The following MYCBP2 variants were observed in gnomAD, a reference collection of about 807,000 sequenced individuals.
The protein encoded by MYCBP2 is E3 ubiquitin-protein ligase MYCBP2.
Under a neutral mutation model 525.3 loss-of-function variants are expected in MYCBP2, and 120 were observed. The observed-to-expected ratio is 0.23, with a 90% CI of 0.20 to 0.27. The LOEUF (loss-of-function observed/expected upper bound fraction) is 0.27, where lower values mean the gene tolerates loss of function less well. MYCBP2 is among the 10% of genes least tolerant of loss of function. MYCBP2 has a pLI of 1.00. For missense variants in MYCBP2, 4,149 were observed against 5,657.1 expected (o/e 0.73, Z 8.55); for synonymous variants, 1,894 against 1,955.8 (o/e 0.97, Z 0.83).
Position 77,150,814 on chromosome 13 carries a change from G to A in MYCBP2, c.7051C>T (p.Leu2351=). 1.2e-6 allele frequency: 2 copies of A among 1,614,130 alleles called. No homozygotes were observed. The highest frequency in any genetic ancestry group is 1.1e-5 in the South Asian group (1 of 91,086). The change falls in exon 47 of 83, where the codon CTG becomes TTG. Residue 2351 remains leucine (L), a synonymous_variant. Transcript: ENST00000544440. ...SSNTDMTYGG[L]ASPKLDVSYE... ...GAAACATCTAGCTTTGGTGATGCCA[G>A]CCCTCCATAAGTCATGTCAGTATTA... is the stretch of plus-strand genomic sequence containing the variant.
At chr13:77,200,107 A>G (rs1348119356) in intron 26 of MYCBP2, among the ~76,000 whole-genome samples, 2 of 152,114 alleles carry the variant, frequency 1.3e-5, no homozygotes, top group African/African-American at 4.8e-5. Context: ...CTACGGGAGG[A>G]CATTCAAACC....
chr13:77,260,219 A>G (rs181712302), intron 13 of MYCBP2, among the ~76,000 whole-genome samples: 28 of 152,348 alleles, frequency 1.8e-4, no homozygotes, highest in Non-Finnish European at 4.1e-4. Flanking sequence ...GCCAAGCTCT[A>G]TGATTAGCTT....
rs543342620 is a variant in MYCBP2, at chr13:77,166,443, T to C, written c.6226A>G (p.Asn2076Asp). 1 of 1,614,044 alleles carries C rather than the reference T, an allele frequency of 6.2e-7. No homozygotes were observed. The highest frequency in any genetic ancestry group is 2.2e-5 in the East Asian group (1 of 44,876). The change falls in exon 41 of 83, where the codon AAT becomes GAT. Residue 2076 changes from asparagine (N) to aspartate (D), a missense_variant. Physicochemically the swap from Asn to Asp is conservative, Grantham distance 23. Coordinates refer to ENST00000544440, the MANE Select transcript of MYCBP2 (RefSeq NM_015057.5). The stretch of plus-strand genomic sequence containing the variant: ...GTCAATTTTGGTCCATATCCTGAAT[T>C]CTGAACAGTTCTGACAGGAATCAAC... ...RLLIPVRTVQ[N>D]SGYGPKLTSV...
At chr13:77,107,832 A>G (rs2048086411) in intron 55 of MYCBP2, among the ~76,000 whole-genome samples, 1 of 152,208 alleles carries the variant, frequency 6.6e-6, no homozygotes, top group Non-Finnish European at 1.5e-5. Context: ...CTTGACTGAC[A>G]GCTTTAGATG....
chr13:77,193,803 C>T (rs1293520200), intron 27 of MYCBP2, among the ~76,000 whole-genome samples: 1 of 152,000 alleles, frequency 6.6e-6, no homozygotes, highest in Non-Finnish European at 1.5e-5. Context: ...TTATTTATTA[C>T]CTGTAATGCT....
intron 7 of MYCBP2, among the ~76,000 whole-genome samples, chr13:77,269,640 A>C (rs2074603036): frequency 6.6e-6 from 1 of 152,084 alleles, no homozygotes; most frequent in Admixed American, 6.5e-5. Context: ...AAAAAAAAAA[A>C]TGTGCTAATG....
intron 60 of MYCBP2, among the ~76,000 whole-genome samples, chr13:77,089,777 C>T (rs187605090): frequency 1.5e-3 from 232 of 151,516 alleles, no homozygotes; most frequent in African/African-American, 5.3e-3. Flanking sequence ...TGAATGTGTA[C>T]GTCATTGGAA....
At chr13:77,197,401 C>G (rs1376565073) in intron 26 of MYCBP2, among the ~76,000 whole-genome samples, 2 of 151,980 alleles carry the variant, frequency 1.3e-5, no homozygotes, top group African/African-American at 4.8e-5. Context: ...GCCTATGTAT[C>G]AAGCATATGG....
intron 18 of MYCBP2, among the ~76,000 whole-genome samples, chr13:77,231,946 T>G (rs530081045): frequency 6.6e-6 from 1 of 152,250 alleles, no homozygotes; most frequent in African/African-American, 2.4e-5. Context: ...TAAATATTTA[T>G]GGCATTGTTA....
chr13:77,314,382 A>G (rs2080666796), intron 1 of MYCBP2, among the ~76,000 whole-genome samples: 1 of 152,236 alleles, frequency 6.6e-6, no homozygotes, highest in African/African-American at 2.4e-5. Context: ...AAACTCACCA[A>G]ATTGTAGGTG....
At chr13:77,257,610 T>C (rs1006124334) in intron 14 of MYCBP2, 61 bp downstream of exon 14, 1 of 1,435,614 alleles carries the variant, frequency 7.0e-7, no homozygotes, top group Admixed American at 2.6e-5. Context: ...TTCACTATGT[T>C]GTTCTGAAAA....
Position 77,098,564 on chromosome 13 carries a change from G to T in MYCBP2, c.8590C>A (p.Pro2864Thr). ...STAPVKTKLD[P>T]PRERSKSDSY... ...TCTGATTTAGAACGTTCCCGAGGAG[G>T]ATCAAGCTTTGTCTTAACAGGAGCA... The change falls in exon 56 of 83, where the codon CCT (proline) becomes ACT (threonine). Residue 2864 changes from proline to threonine, a missense_variant. Around this residue, in one of 21 missense-constraint regions of MYCBP2, gnomAD observed 653 missense variants for 744.7 expected, o/e 0.88. Coordinates refer to ENST00000544440, the MANE Select transcript of MYCBP2 (RefSeq NM_015057.5). 1 of 1,613,762 alleles carries T rather than the reference G, an allele frequency of 6.2e-7. No individual in the cohort carries two copies. The highest frequency in any genetic ancestry group is 8.5e-7 in the Non-Finnish European group (1 of 1,179,814).
At chr13:77,084,725 T>C (rs78729180) in intron 62 of MYCBP2, among the ~76,000 whole-genome samples, 4,533 of 152,218 alleles carry the variant, frequency 0.03, 97 homozygotes, top group East Asian at 0.053. Context: ...TAAGAATCTG[T>C]TCAGTTCTCA....
chr13:77,076,651 T>C, intron 68 of MYCBP2, 100 bp downstream of exon 68: 1 of 667,674 alleles, frequency 1.5e-6, no homozygotes, highest in Non-Finnish European at 2.5e-6. Context: ...CATAAAACTG[T>C]TATTACATAT....
intron 18 of MYCBP2, among the ~76,000 whole-genome samples, chr13:77,232,248 A>T (rs1481041394): frequency 6.6e-6 from 1 of 152,192 alleles, no homozygotes; most frequent in Non-Finnish European, 1.5e-5. Context: ...CATTAATTAG[A>T]TTAATTTGTC....
At chr13:77,294,105 T>TATAC (rs1555465461) in intron 2 of MYCBP2, among the ~76,000 whole-genome samples, 4 of 7,938 alleles carry the variant, frequency 5.0e-4, no homozygotes, top group Middle Eastern at 0.038. Flanking sequence ...ATATAATGGC[T>TATAC]ATATATATAT....
chr13:77,319,350 A>G (rs1376041099), intron 1 of MYCBP2, among the ~76,000 whole-genome samples: 2 of 152,094 alleles, frequency 1.3e-5, no homozygotes, highest in Non-Finnish European at 2.9e-5. Flanking sequence ...AGGGTTTTCA[A>G]GTGCACTCAG....
chr13:77,103,899 C>A (rs1017563307), intron 55 of MYCBP2, among the ~76,000 whole-genome samples: 1 of 151,938 alleles, frequency 6.6e-6, no homozygotes, highest in Non-Finnish European at 1.5e-5. Flanking sequence ...CTTCTGATAT[C>A]AAATCTCATT....
intron 1 of MYCBP2, among the ~76,000 whole-genome samples, chr13:77,301,476 A>ACTT (rs2078806379): frequency 6.6e-6 from 1 of 151,616 alleles, no homozygotes; most frequent in South Asian, 2.1e-4. Context: ...GGAAGAGAAA[A>ACTT]CTTCCGTAAG....
Sources: gnomAD v4.1 joint callset for allele counts (sites outside exome capture counted in the v4.1 genomes callset) on GRCh38, gnomAD v4.1.1 for gene constraint, gnomAD v4.1.1 regional missense constraint, MANE v1.5 for transcripts, NCBI Gene and HGNC (gene_info 2026-07-23, HGNC 2026-07-21) for gene names.